The following SLIT3 variants were observed in gnomAD, a reference collection of about 807,000 sequenced individuals.
SLIT3 encodes the protein slit homolog 3 protein.
In SLIT3, 68 loss-of-function variants were observed where a neutral mutation model predicts 184.0. That is an observed-to-expected ratio of 0.37 (90% CI 0.30 to 0.45). The LOEUF (loss-of-function observed/expected upper bound fraction) is 0.45. Ranked by LOEUF, SLIT3 falls within the 20% of genes least tolerant of loss-of-function variation. SLIT3 has a pLI of 1.00. For synonymous variants in SLIT3, 831 were observed against 828.6 expected, an observed-to-expected ratio of 1.00 and a Z score of -0.05; for missense variants, 1,707 against 2,026.0, an observed-to-expected ratio of 0.84 and a Z score of 3.02.
intron 16 of SLIT3, among the ~76,000 whole-genome samples, chr5:168,759,970 G>A (rs1755087102): frequency 6.6e-6 from 1 of 152,152 alleles, no homozygotes; most frequent in Non-Finnish European, 1.5e-5. Flanking sequence ...TCTGCTGGGG[G>A]ACCCCGCACG....
intron 27 of SLIT3, among the ~76,000 whole-genome samples, chr5:168,699,566 A>C (rs1762158172): frequency 6.6e-6 from 1 of 152,180 alleles, no homozygotes; most frequent in African/African-American, 2.4e-5. Flanking sequence ...AGCCAATCCC[A>C]TTCCTAGGAC....
intron 4 of SLIT3, among the ~76,000 whole-genome samples, chr5:168,986,975 G>C (rs1755153380): frequency 6.6e-6 from 1 of 152,204 alleles, no homozygotes; most frequent in Non-Finnish European, 1.5e-5. Context: ...TTGAACCCGG[G>C]AGGCAGAGGT....
intron 4 of SLIT3, among the ~76,000 whole-genome samples, chr5:168,902,704 C>T (rs989954946): frequency 6.6e-6 from 1 of 152,180 alleles, no homozygotes; most frequent in African/African-American, 2.4e-5. Flanking sequence ...TTTAAATAAC[C>T]CCTCCATGTG....
At chr5:168,950,116 G>A (rs979250363) in intron 4 of SLIT3, among the ~76,000 whole-genome samples, 1 of 151,314 alleles carries the variant, frequency 6.6e-6, no homozygotes, top group African/African-American at 2.4e-5. Flanking sequence ...ATTTAGAGGT[G>A]GGGAGTTTGG....
chr5:169,084,785 G>C (rs1233079361), intron 4 of SLIT3, among the ~76,000 whole-genome samples: 2 of 152,180 alleles, frequency 1.3e-5, no homozygotes, highest in African/African-American at 4.8e-5. Context: ...CTGTTGGATA[G>C]GTTGTACCTG....
intron 20 of SLIT3, among the ~76,000 whole-genome samples, chr5:168,733,758 T>C (rs2113405490): frequency 6.7e-6 from 1 of 150,282 alleles, no homozygotes. Context: ...AACAAACCTG[T>C]ACATTCACAC....
At chr5:169,114,433 G>A (rs1298092507) in intron 4 of SLIT3, among the ~76,000 whole-genome samples, 1 of 152,176 alleles carries the variant, frequency 6.6e-6, no homozygotes, top group African/African-American at 2.4e-5. Context: ...TCAAAGGTCT[G>A]TACGCCTCAA....
chr5:169,111,969 T>C (rs1350026342), intron 4 of SLIT3, among the ~76,000 whole-genome samples: 3 of 152,160 alleles, frequency 2.0e-5, no homozygotes, highest in African/African-American at 4.8e-5. Context: ...GCTCAGTCCA[T>C]GTGGAACTCT....
At chr5:168,692,494 G>T in intron 29 of SLIT3, 113 bp downstream of exon 29, 1 of 674,084 alleles carries the variant, frequency 1.5e-6, no homozygotes, top group Non-Finnish European at 2.7e-6. Flanking sequence ...ATGCAGAGAA[G>T]CACATGAGAG....
At chr5:168,725,922 T>C (rs577873827) in intron 20 of SLIT3, among the ~76,000 whole-genome samples, 1 of 152,352 alleles carries the variant, frequency 6.6e-6, no homozygotes, top group South Asian at 2.1e-4. Context: ...TTATCTTTAA[T>C]TGTTTAATTA....
intron 4 of SLIT3, among the ~76,000 whole-genome samples, chr5:168,945,609 G>T (rs1345994604): frequency 6.6e-6 from 1 of 152,124 alleles, no homozygotes; most frequent in Non-Finnish European, 1.5e-5. Flanking sequence ...CTGTGTCTCC[G>T]CCTGGAACCC....
chr5:169,015,267 C>A (rs1450969585), intron 4 of SLIT3, among the ~76,000 whole-genome samples: 2 of 152,142 alleles, frequency 1.3e-5, no homozygotes, highest in East Asian at 3.9e-4. Flanking sequence ...ATTTTATGCT[C>A]AGGAGGTAAA....
intron 4 of SLIT3, among the ~76,000 whole-genome samples, chr5:168,958,533 A>G (rs1762908454): frequency 1.3e-5 from 2 of 152,216 alleles, no homozygotes; most frequent in Non-Finnish European, 2.9e-5. Context: ...TGATAATGTA[A>G]GCCAACTATC....
At chr5:169,076,573 G>T (rs1443528121) in intron 4 of SLIT3, among the ~76,000 whole-genome samples, 1 of 152,016 alleles carries the variant, frequency 6.6e-6, no homozygotes, top group Non-Finnish European at 1.5e-5. Context: ...TTGTCAAAAT[G>T]GATTTCTTTT....
At chr5:169,266,535 T>C (rs977098235) in intron 1 of SLIT3, among the ~76,000 whole-genome samples, 1 of 152,164 alleles carries the variant, frequency 6.6e-6, no homozygotes, top group African/African-American at 2.4e-5. Context: ...GTGTCATAAA[T>C]GGAGGGGTCC....
chr5:168,947,786 T>C (rs1258347224), intron 4 of SLIT3, among the ~76,000 whole-genome samples: 2 of 151,998 alleles, frequency 1.3e-5, no homozygotes, highest in African/African-American at 4.8e-5. Context: ...GTTGTTGTTG[T>C]TTTGTTTTTT....
chr5:168,852,103 A>T (rs1758700722), intron 5 of SLIT3, among the ~76,000 whole-genome samples: 1 of 152,220 alleles, frequency 6.6e-6, no homozygotes, highest in Admixed American at 6.5e-5. Flanking sequence ...GGACAAATAA[A>T]TGGCTGTCTC....
intron 4 of SLIT3, among the ~76,000 whole-genome samples, chr5:169,021,034 T>C (rs1195677803): frequency 2.0e-5 from 3 of 152,208 alleles, no homozygotes; most frequent in African/African-American, 7.2e-5. Flanking sequence ...GTGACAGACC[T>C]GGCTTTCAGA....
intron 4 of SLIT3, among the ~76,000 whole-genome samples, chr5:169,034,714 C>A (rs964409625): frequency 1.6e-4 from 25 of 151,896 alleles, no homozygotes; most frequent in African/African-American, 4.8e-4. Flanking sequence ...TTCATGGGAC[C>A]CAAGCCTCAG....
Sources: gnomAD v4.1 joint callset for allele counts (sites outside exome capture counted in the v4.1 genomes callset) on GRCh38, gnomAD v4.1.1 for gene constraint, MANE v1.5 for transcripts, NCBI Gene and HGNC (gene_info 2026-07-23, HGNC 2026-07-21) for gene names.